The following C12orf54 variants were observed in gnomAD, a reference collection of about 807,000 sequenced individuals.
C12orf54 encodes uncharacterized protein C12orf54.
C12orf54 carries 24 observed loss-of-function variants against 26.4 expected under a neutral mutation model. The observed-to-expected ratio is 0.91, with a 90% CI of 0.66 to 1.28. The LOEUF is 1.28. Among genes scored for constraint, C12orf54 ranks in the 50% most tolerant of loss-of-function variants. The pLI, the probability that C12orf54 is intolerant of heterozygous loss-of-function variation, is 0.00. For synonymous variants in C12orf54, 54 were observed against 47.0 expected (o/e 1.15, Z -0.61); for missense variants, 154 against 150.9 (o/e 1.02, Z -0.11).
At chr12:48,416,007 CCT>C in the C12orf54 span, among the ~76,000 whole-genome samples, 1 of 152,078 alleles carries the variant, frequency 6.6e-6, no homozygotes, top group Non-Finnish European at 1.5e-5. Flanking sequence ...TACCTTGAGC[CCT>C]CTCTCTCTTT....
chr12:48,487,339 T>C (rs921957319), intron 4 of C12orf54, among the ~76,000 whole-genome samples: 11 of 152,186 alleles, frequency 7.2e-5, no homozygotes, highest in Admixed American at 2.0e-4. Context: ...GAAAAGACTG[T>C]TAATTAAGTC....
chr12:48,435,377 C>T, the C12orf54 span, among the ~76,000 whole-genome samples: 13 of 152,204 alleles, frequency 8.5e-5, no homozygotes, highest in African/African-American at 3.1e-4. Flanking sequence ...TCTAGCAAGG[C>T]AGGCCAACAT....
chr12:48,440,183 C>T, the C12orf54 span, among the ~76,000 whole-genome samples: 19 of 151,698 alleles, frequency 1.3e-4, no homozygotes, highest in African/African-American at 4.6e-4. Flanking sequence ...CGAGATCGTG[C>T]CACTGCACTC....
chr12:48,454,954 G>A, the C12orf54 span, among the ~76,000 whole-genome samples: 1 of 152,168 alleles, frequency 6.6e-6, no homozygotes, highest in Non-Finnish European at 1.5e-5. Flanking sequence ...TTTTGGGTTT[G>A]TTTTTCCTTC....
the C12orf54 span, among the ~76,000 whole-genome samples, chr12:48,433,775 C>T: frequency 1.3e-5 from 2 of 151,940 alleles, no homozygotes; most frequent in Admixed American, 6.6e-5. Context: ...ATATTCTTTG[C>T]CAGCGGTGGA....
At chr12:48,445,200 A>G in the C12orf54 span, among the ~76,000 whole-genome samples, 1 of 152,188 alleles carries the variant, frequency 6.6e-6, no homozygotes, top group South Asian at 2.1e-4. Flanking sequence ...TACATTGATG[A>G]ACGGATGAGT....
At chr12:48,464,078 G>A in the C12orf54 span, among the ~76,000 whole-genome samples, 1 of 152,036 alleles carries the variant, frequency 6.6e-6, no homozygotes, top group East Asian at 1.9e-4. Flanking sequence ...CCTGATAAGA[G>A]CAATCAGGAA....
At chr12:48,445,927 T>C in the C12orf54 span, among the ~76,000 whole-genome samples, 2 of 152,116 alleles carry the variant, frequency 1.3e-5, no homozygotes, top group Non-Finnish European at 2.9e-5. Context: ...AGGGTACCCT[T>C]AAATACCTCT....
At chr12:48,467,636 G>A in the C12orf54 span, among the ~76,000 whole-genome samples, 2 of 152,078 alleles carry the variant, frequency 1.3e-5, no homozygotes, top group Non-Finnish European at 2.9e-5. Flanking sequence ...GCTTCAGGAT[G>A]GGAGGGTCAG....
At chr12:48,476,726 GA>G in the C12orf54 span, among the ~76,000 whole-genome samples, 1 of 133,242 alleles carries the variant, frequency 7.5e-6, no homozygotes, top group Non-Finnish European at 1.5e-5. Flanking sequence ...CCCAATACAG[GA>G]GCACCCAGAT....
the C12orf54 span, among the ~76,000 whole-genome samples, chr12:48,440,482 A>G: frequency 3.3e-5 from 5 of 152,284 alleles, no homozygotes; most frequent in East Asian, 5.8e-4. Flanking sequence ...GTCTTTGTTA[A>G]ATGTTTCTGG....
At chr12:48,413,658 G>A in the C12orf54 span, among the ~76,000 whole-genome samples, 1 of 152,132 alleles carries the variant, frequency 6.6e-6, no homozygotes, top group Non-Finnish European at 1.5e-5. Flanking sequence ...GTAAATCTTT[G>A]TAGACACATG....
the C12orf54 span, among the ~76,000 whole-genome samples, chr12:48,434,793 A>T: frequency 6.6e-6 from 1 of 152,208 alleles, no homozygotes; most frequent in Non-Finnish European, 1.5e-5. Context: ...AAAGGTAGAT[A>T]AAACCACAAA....
At chr12:48,462,199 A>G in the C12orf54 span, among the ~76,000 whole-genome samples, 1 of 151,734 alleles carries the variant, frequency 6.6e-6, no homozygotes, top group Non-Finnish European at 1.5e-5. Context: ...ACTCAAGAAG[A>G]AATAGATAAC....
upstream of C12orf54, among the ~76,000 whole-genome samples, chr12:48,479,014 G>A (rs765011294): frequency 9.2e-5 from 14 of 151,650 alleles, no homozygotes; most frequent in Non-Finnish European, 1.5e-4. Context: ...TCCCATTACT[G>A]TATACCCAAA....
the C12orf54 span, among the ~76,000 whole-genome samples, chr12:48,472,422 A>G: frequency 6.6e-6 from 1 of 152,346 alleles, no homozygotes; most frequent in South Asian, 2.1e-4. Flanking sequence ...CAATACATCT[A>G]TCTGATGTAA....
chr12:48,451,137 A>G, the C12orf54 span, among the ~76,000 whole-genome samples: 1 of 152,288 alleles, frequency 6.6e-6, no homozygotes, highest in Non-Finnish European at 1.5e-5. Context: ...TATCTGCCAT[A>G]ATCACGTTGG....
chr12:48,419,975 T>C, the C12orf54 span, among the ~76,000 whole-genome samples: 1 of 152,238 alleles, frequency 6.6e-6, no homozygotes, highest in Non-Finnish European at 1.5e-5. Flanking sequence ...TCTAATCTTG[T>C]GCTGAATCCA....
the C12orf54 span, among the ~76,000 whole-genome samples, chr12:48,470,615 T>A: frequency 1.3e-5 from 2 of 152,164 alleles, no homozygotes; most frequent in Admixed American, 1.3e-4. Context: ...ATTCTGTAGG[T>A]AGTCTGTTTA....
Sources: gnomAD v4.1 joint callset for allele counts (sites outside exome capture counted in the v4.1 genomes callset) on GRCh38, gnomAD v4.1.1 for gene constraint, MANE v1.5 for transcripts, NCBI Gene and HGNC (gene_info 2026-07-23, HGNC 2026-07-21) for gene names.